The following LRRC4C variants were observed in gnomAD, a reference collection of about 807,000 sequenced individuals.
The protein encoded by LRRC4C is leucine-rich repeat-containing protein 4C.
In LRRC4C, 5 loss-of-function variants were observed where a neutral mutation model predicts 33.6. The observed-to-expected ratio is 0.15, with a 90% CI of 0.08 to 0.31. The LOEUF is 0.31. Among genes scored for constraint, LRRC4C ranks in the 10% least tolerant of loss-of-function variants. The pLI, the probability that LRRC4C is intolerant of heterozygous loss-of-function variation, is 1.00. For missense variants in LRRC4C, 560 were observed against 796.7 expected (o/e 0.70, Z 3.58); for synonymous variants, 329 against 302.0 (o/e 1.09, Z -0.93).
intron 1 of LRRC4C, among the ~76,000 whole-genome samples, chr11:40,956,978 G>A (rs1052835614): frequency 6.6e-6 from 1 of 151,750 alleles, no homozygotes; most frequent in African/African-American, 2.4e-5. Flanking sequence ...CAGAGGCAAA[G>A]TTTAATGAAA....
chr11:40,432,189 ATTT>A (rs34749380), intron 3 of LRRC4C, among the ~76,000 whole-genome samples: 5,538 of 150,730 alleles, frequency 0.037, 338 homozygotes, highest in African/African-American at 0.13. Flanking sequence ...TGTGCCATGC[ATTT>A]TTTTTTTCTT....
At position 40,626,350 on chromosome 11, in the gene LRRC4C, T is replaced by A. The variant is rs72892727; in HGVS notation, c.-270+21792A>T. ...TTATTGCCCTCTTTCCTGCTTTTTT[T>A]AAAAAGCTCTTATTGGTAGCAAAAT... On this transcript the variant is annotated intron_variant, in intron 3 of 6. Transcript: ENST00000528697. 3.4e-3 allele frequency among the ~76,000 whole-genome samples: 515 copies of A among 152,272 alleles called. 1 individual carries two copies. Among genetic ancestry groups the A allele is most frequent in the Non-Finnish European group, 5.8e-3 (397 of 68,008 alleles).
At chr11:40,679,888 GCCACCATCCTCCAGA>G (rs928622773) in intron 2 of LRRC4C, among the ~76,000 whole-genome samples, 5 of 152,072 alleles carry the variant, frequency 3.3e-5, no homozygotes, top group African/African-American at 1.2e-4. Context: ...TGAGAAGAGG[GCCACCATCCTCCAGA>G]CCCCGGAATG....
intron 1 of LRRC4C, among the ~76,000 whole-genome samples, chr11:41,351,274 C>G (rs74567504): frequency 6.7e-6 from 1 of 149,662 alleles, no homozygotes; most frequent in Admixed American, 6.7e-5. Context: ...CACACACATA[C>G]ATTTTCCACA....
chr11:41,326,171 C>A (rs1951112425), intron 1 of LRRC4C, among the ~76,000 whole-genome samples: 1 of 151,856 alleles, frequency 6.6e-6, no homozygotes, highest in Admixed American at 6.6e-5. Context: ...ATAAAGCAGG[C>A]AGAAGAAGAT....
chr11:40,506,968 G>T (rs971603332), intron 3 of LRRC4C, among the ~76,000 whole-genome samples: 9 of 151,632 alleles, frequency 5.9e-5, no homozygotes, highest in Admixed American at 4.6e-4. Context: ...AAACATACAG[G>T]GTAAGTCTAC....
Position 41,014,269 on chromosome 11 carries a change from A to G in LRRC4C, c.-495-80546T>C, listed in dbSNP as rs1362239981. Among the ~76,000 whole-genome samples, 3 of 152,176 alleles carry G rather than the reference A, an allele frequency of 2.0e-5. No homozygotes were observed. In the East Asian group the frequency reaches 5.8e-4, roughly 30 times the overall value. ...AATGTGTGAATTTCGGTGGGTACAC[A>G]TATGAATACTGGGATTATATAAGGT... is the stretch of plus-strand genomic sequence containing the variant. On this transcript the variant is annotated intron_variant, in intron 1 of 6. Coordinates refer to ENST00000528697, the MANE Select transcript of LRRC4C (RefSeq NM_001258419.2).
chr11:41,381,277 G>A (rs925936793), intron 1 of LRRC4C, among the ~76,000 whole-genome samples: 2 of 152,094 alleles, frequency 1.3e-5, no homozygotes, highest in African/African-American at 4.8e-5. Flanking sequence ...TTATGCATTT[G>A]AACACTTCAG....
chr11:40,263,551 T>A (rs528611436), intron 4 of LRRC4C, among the ~76,000 whole-genome samples: 4 of 152,068 alleles, frequency 2.6e-5, no homozygotes, highest in Admixed American at 2.6e-4. Flanking sequence ...GATGGGATCT[T>A]GCTATGTTGC....
chr11:41,429,080 GGGGGC>G (rs1955143821), intron 1 of LRRC4C, among the ~76,000 whole-genome samples: 1 of 152,122 alleles, frequency 6.6e-6, no homozygotes, highest in Admixed American at 6.6e-5. Flanking sequence ...AATTTGATCT[GGGGGC>G]AGTTACCCTC....
rs11035897 is a variant in LRRC4C at position 40,533,543 on chromosome 11, T to C, written c.-270+114599A>G. Reference sequence around the variant, plus strand: ...ACCCTCCCGGAGCATTGTAGGTTTCTTTGTTTTCTTACTCTCTGTGCTGCC... The same window carrying C: ...ACCCTCCCGGAGCATTGTAGGTTTCCTTGTTTTCTTACTCTCTGTGCTGCC... On this transcript the variant is annotated intron_variant, in intron 3 of 6. Coordinates refer to ENST00000528697, the MANE Select transcript of LRRC4C (RefSeq NM_001258419.2). Among the ~76,000 whole-genome samples the C allele has an allele frequency of 6.7e-3, 1,020 of 152,292 alleles. 17 individuals carry two copies. The highest frequency in any genetic ancestry group is 0.024 in the African/African-American group (977 of 41,574).
At chr11:40,352,152 TTCCTTCCTTC>T in intron 3 of LRRC4C, among the ~76,000 whole-genome samples, 1 of 123,344 alleles carries the variant, frequency 8.1e-6, no homozygotes, top group Non-Finnish European at 1.7e-5. Flanking sequence ...CCTTCCTTCC[TTCCTTCCTTC>T]CTTCCCTTTC....
At chr11:41,418,562 C>T (rs576080113) in intron 1 of LRRC4C, among the ~76,000 whole-genome samples, 1 of 152,134 alleles carries the variant, frequency 6.6e-6, no homozygotes, top group African/African-American at 2.4e-5. Context: ...AGGCAGATAA[C>T]ATGTTACAAG....
chr11:40,395,841 G>T (rs1949516515), intron 3 of LRRC4C, among the ~76,000 whole-genome samples: 1 of 152,146 alleles, frequency 6.6e-6, no homozygotes, highest in African/African-American at 2.4e-5. Context: ...ACAAAAATTA[G>T]CTGGGTGTGG....
rs1179986353 is a variant in LRRC4C, at chr11:41,037,289, T to TC, written c.-495-103567_-495-103566insG. 2.0e-5 allele frequency among the ~76,000 whole-genome samples: 3 copies of TC among 151,848 alleles called. No homozygotes were observed. The East Asian group carries it at 5.8e-4, about 29-fold the overall frequency. On this transcript the variant is annotated intron_variant, in intron 1 of 6. Transcript: ENST00000528697. ...ATTACCTATCTTTGATGGGTTTTTT[T>TC]TTTTCTGATAATGCCTCAATGGAAA...
intron 6 of LRRC4C, among the ~76,000 whole-genome samples, chr11:40,139,188 C>G (rs1433102964): frequency 6.6e-6 from 1 of 151,558 alleles, no homozygotes; most frequent in Non-Finnish European, 1.5e-5. Flanking sequence ...GACACATACA[C>G]AGAGTGCTAG....
chr11:40,642,611 T>C (rs184762039), intron 3 of LRRC4C, among the ~76,000 whole-genome samples: 2 of 152,372 alleles, frequency 1.3e-5, no homozygotes, highest in Non-Finnish European at 2.9e-5. Flanking sequence ...TATTATTTGA[T>C]AATTATTTCT....
intron 2 of LRRC4C, among the ~76,000 whole-genome samples, chr11:40,664,059 A>G (rs1315268281): frequency 6.6e-6 from 1 of 152,202 alleles, no homozygotes; most frequent in Non-Finnish European, 1.5e-5. Flanking sequence ...TGATCCAATT[A>G]CATATATAGA....
chr11:40,936,336 G>GTTTT (rs34468606), intron 1 of LRRC4C, among the ~76,000 whole-genome samples: 5 of 112,716 alleles, frequency 4.4e-5, no homozygotes, highest in Admixed American at 9.4e-5. Context: ...TCTAACACTT[G>GTTTT]TTTTTTTTTT....
Sources: allele counts gnomAD v4.1 joint callset (sites outside exome capture counted in the v4.1 genomes callset), GRCh38; gene constraint gnomAD v4.1.1; transcripts MANE v1.5; gene names NCBI Gene and HGNC (gene_info 2026-07-23, HGNC 2026-07-21).